CASKIN2: variants seen among roughly 807,000 people sequenced by gnomAD.
The protein encoded by CASKIN2 is CASK interacting protein 2.
In CASKIN2, 41 loss-of-function variants were observed where a neutral mutation model predicts 107.1. The ratio of observed to expected loss-of-function variants is 0.38; its 90% CI spans 0.30 to 0.50. The LOEUF is 0.50. Among genes scored for constraint, CASKIN2 ranks in the 20% least tolerant of loss-of-function variants. The pLI is 0.92. For missense variants in CASKIN2, 1,546 were observed against 1,657.4 expected (o/e 0.93, Z 1.17); for synonymous variants, 724 against 705.6 (o/e 1.03, Z -0.41).
chr17:75,501,421 A>C, intron 19 of CASKIN2, 47 bp downstream of exon 19: 1 of 1,552,868 alleles, frequency 6.4e-7, no homozygotes, highest in Non-Finnish European at 8.8e-7. Context: ...TGCAGGGAGC[A>C]CTGTTTCTCT....
At chr17:75,503,616 T>C (rs7207376) in intron 16 of CASKIN2, 43 bp downstream of exon 16, 1,411,223 of 1,607,120 alleles carry the variant, frequency 0.88, 626,369 homozygotes, top group Middle Eastern at 0.92. Flanking sequence ...CAGCTGAGGG[T>C]GACAGCACGT....
Position 75,500,978 on chromosome 17 carries a change from C to G in CASKIN2, c.*102G>C, listed in dbSNP as rs1222831388. 1.7e-6 allele frequency: 2 copies of G among 1,171,748 alleles called. No individual in the cohort carries two copies. Among genetic ancestry groups the G allele is most frequent in the Non-Finnish European group, 2.4e-6 (2 of 818,974 alleles). The allele number at this position is 1,171,748 out of a possible 1,614,324, so 72.6% of individuals were successfully genotyped here. On this transcript the variant is annotated 3_prime_UTR_variant, in exon 20 of 20. Transcript: ENST00000321617. ...GGCCCTGCTAGGAGGGGCACTTCAG[C>G]CTGACCAGCCCTTGGCCCGTCCCTA...
Position 75,500,848 on chromosome 17 carries a change from G to A in CASKIN2, c.*232C>T. The stretch of plus-strand genomic sequence containing the variant: ...TCCTGCTCAATCGATCAAACCCTGG[G>A]AGGGGCTTTGCTGAGATGCAGCGGA... On this transcript the variant is annotated 3_prime_UTR_variant, in exon 20 of 20. Transcript: ENST00000321617. The A allele has an allele frequency of 1.9e-6, 1 of 536,948 alleles. No individual in the cohort carries two copies. The highest frequency in any genetic ancestry group is 2.0e-5 in the South Asian group (1 of 49,670). The allele number at this position is 536,948 out of a possible 1,614,324, so 33.3% of individuals were successfully genotyped here. A position where few individuals can be genotyped will look rare whatever the true frequency, so the allele number is the denominator to read the frequency against.
chr17:75,501,682 G>A lies in CASKIN2; in HGVS notation c.3304C>T (p.Pro1102Ser), dbSNP rs781155532. 2.5e-6 allele frequency: 4 copies of A among 1,570,410 alleles called. No homozygotes were observed. Among genetic ancestry groups the A allele is most frequent in the African/African-American group, 1.3e-5 (1 of 74,274 alleles). ...GTGCAGGCCACCGACACAGGCTTGG[G>A]GGCTGTTCCTGCAGAGACAAAAAGG... is the stretch of plus-strand genomic sequence containing the variant. ...LLKVPGAGTAPKPVSVACTQL... is the reference protein window; with the variant it reads ...LLKVPGAGTASKPVSVACTQL... Residue 1102 changes from proline (P) to serine (S), a missense_variant, in exon 19 of 20, where the codon CCC becomes TCC. Around this residue, in one of 6 missense-constraint regions of CASKIN2, gnomAD observed 1,311 missense variants for 1,311.0 expected, o/e 1.00. Transcript: ENST00000321617.
rs551883632 is a variant in CASKIN2 at position 75,505,576 on chromosome 17, C to T, written c.911G>A (p.Arg304Gln). 2.2e-5 allele frequency: 35 copies of T among 1,613,568 alleles called. No homozygotes were observed. The highest frequency in any genetic ancestry group is 3.3e-5 in the South Asian group (3 of 91,078). The change falls in exon 10 of 20, where the codon CGG becomes CAG. Residue 304 changes from arginine (R) to glutamine (Q), a missense_variant. Physicochemically the swap from Arg to Gln is conservative, Grantham distance 43. Coordinates refer to ENST00000321617, the MANE Select transcript of CASKIN2 (RefSeq NM_020753.5). The surrounding 1 kb of genome is among the most constrained non-coding windows in gnomAD (Gnocchi z 5.1). ...CCTCACCGTGATGACATCCCCTGCC[C>T]GGACATTGAGAGCAGTGGGATCGTG... ...NLHDPTALNVRAGDVITVLEQ... is the reference protein window; with the variant it reads ...NLHDPTALNVQAGDVITVLEQ...
intron 19 of CASKIN2, 64 bp from the exon 20 acceptor site, chr17:75,501,234 A>G: frequency 6.9e-7 from 1 of 1,446,652 alleles, no homozygotes; most frequent in Non-Finnish European, 9.4e-7. Flanking sequence ...GCCCTGGGGC[A>G]GGGAGCTGTC....
Position 75,500,921 on chromosome 17 carries a change from T to C in CASKIN2, c.*159A>G. 1.5e-6 allele frequency: 1 copy of C among 655,252 alleles called. No homozygotes were observed. The highest frequency in any genetic ancestry group is 2.6e-6 in the Non-Finnish European group (1 of 377,792). 40.6% of individuals were successfully genotyped at this position (655,252 alleles called of 1,614,324 possible). A position where few individuals can be genotyped will look rare whatever the true frequency, so the allele number is the denominator to read the frequency against. ...AAGGTGGGCTGCCCCACAAGAGCTG[T>C]GGTGCCCACAGCCGCGGGCTGAGTG... On this transcript the variant is annotated 3_prime_UTR_variant, in exon 20 of 20. Coordinates refer to ENST00000321617, the MANE Select transcript of CASKIN2 (RefSeq NM_020753.5).
Position 75,503,740 on chromosome 17 carries a change from C to T in CASKIN2, c.1599G>A (p.Val533=). 1.2e-6 allele frequency: 2 copies of T among 1,612,448 alleles called. No homozygotes were observed. The highest frequency in any genetic ancestry group is 1.7e-6 in the Non-Finnish European group (2 of 1,179,982). The change falls in exon 16 of 20, where the codon GTG becomes GTA. Residue 533 remains valine, a synonymous_variant. Coordinates refer to ENST00000321617, the MANE Select transcript of CASKIN2 (RefSeq NM_020753.5). ...MTPEDLTAIG[V]TKPGHRKKIA... is the part of the protein sequence containing the mutation. ...TCTTCTTCCTGTGCCCAGGCTTGGTCACCCCGATGGCCGTCAGGTCCTGCC... is the reference window on the plus strand; with the variant it reads ...TCTTCTTCCTGTGCCCAGGCTTGGTTACCCCGATGGCCGTCAGGTCCTGCC...
rs374452585 is a variant in CASKIN2 at position 75,506,907 on chromosome 17, G to A, written c.391-13C>T. On this transcript the variant is annotated splice_polypyrimidine_tract_variant and intron_variant, in intron 5 of 19. Transcript: ENST00000321617. This position sits in a 1 kb window ranked among gnomAD's most constrained non-coding sequence, Gnocchi z 4.8. Reference sequence around the variant, plus strand: ...GGAGCATTTCTGACTGGGGTTGGGGGAGCCGAGTGAGGGGGCCTGGCCTGT... The same window carrying A: ...GGAGCATTTCTGACTGGGGTTGGGGAAGCCGAGTGAGGGGGCCTGGCCTGT... The A allele has an allele frequency of 3.7e-6, 6 of 1,611,334 alleles. No homozygotes were observed. The African/African-American group carries it at 6.7e-5, about 18-fold the overall frequency.
chr17:75,512,027 C>T (rs2053319908), intron 2 of CASKIN2, among the ~76,000 whole-genome samples: 1 of 152,192 alleles, frequency 6.6e-6, no homozygotes, highest in South Asian at 2.1e-4. Flanking sequence ...CCAGTGGCAC[C>T]CACCCTGTGT....
chr17:75,508,381 G>A (rs1278367576), intron 2 of CASKIN2, 96 bp from the exon 3 acceptor site: 15 of 1,364,248 alleles, frequency 1.1e-5, no homozygotes, highest in African/African-American at 2.9e-5. Context: ...ACCTCTTGGC[G>A]TGCAGGAAAG....
chr17:75,507,713 T>C (rs751375577), intron 3 of CASKIN2, 32 bp from the exon 4 acceptor site: 1 of 1,531,980 alleles, frequency 6.5e-7, no homozygotes, highest in South Asian at 1.1e-5. Context: ...TTAGGGGTGT[T>C]GGTGGGCAGC....
chr17:75,500,870 C>T lies in CASKIN2; in HGVS notation c.*210G>A, dbSNP rs1156945639. On this transcript the variant is annotated 3_prime_UTR_variant, in exon 20 of 20. Transcript: ENST00000321617. Reference sequence around the variant, plus strand: ...TGGGAGGGGCTTTGCTGAGATGCAGCGGAGGTCCCTCGCTAGTCAGGTTCT... The same window carrying T: ...TGGGAGGGGCTTTGCTGAGATGCAGTGGAGGTCCCTCGCTAGTCAGGTTCT... The T allele has an allele frequency of 1.8e-5, 10 of 568,554 alleles. No individual in the cohort carries two copies. Among genetic ancestry groups the T allele is most frequent in the Admixed American group, 9.0e-5 (3 of 33,342 alleles). 35.2% of individuals were successfully genotyped at this position (568,554 alleles called of 1,614,324 possible).
Position 75,504,798 on chromosome 17 carries a change from C to A in CASKIN2, c.1192+14G>T. On this transcript the variant is annotated intron_variant, in intron 11 of 19. Transcript: ENST00000321617. ...CCCACACAGTGCCCAGCACTGCCCC[C>A]TGGGAGGATGTACCTGGGCTGTCTG... The A allele has an allele frequency of 6.2e-7, 1 of 1,604,812 alleles. No homozygotes were observed. Among genetic ancestry groups the A allele is most frequent in the Non-Finnish European group, 8.5e-7 (1 of 1,175,990 alleles).
In CASKIN2 at chr17:75,501,643, A is replaced by G. The variant is rs970624559; in HGVS notation, c.3343T>C (p.Ser1115Pro). ...VSVACTQLAF[S>P]GPKLAPRLGP... ...AGCCGGGGCGCTAGCTTAGGGCCAGAAAATGCCAGCTGGGTGCAGGCCACC... is the reference window on the plus strand; with the variant it reads ...AGCCGGGGCGCTAGCTTAGGGCCAGGAAATGCCAGCTGGGTGCAGGCCACC... Residue 1115 changes from serine (S) to proline (P), a missense_variant, in exon 19 of 20, where the codon TCT (serine) becomes CCT (proline). Around this residue, in one of 6 missense-constraint regions of CASKIN2, gnomAD observed 1,311 missense variants for 1,311.0 expected, o/e 1.00. Transcript: ENST00000321617. 1.3e-6 allele frequency: 2 copies of G among 1,590,596 alleles called. No individual in the cohort carries two copies. Among genetic ancestry groups the G allele is most frequent in the African/African-American group, 2.7e-5 (2 of 74,528 alleles).
In CASKIN2 at chr17:75,502,898, G is replaced by A. The variant is rs567302317; in HGVS notation, c.2176C>T (p.Pro726Ser). 11 of 1,546,842 alleles carry A rather than the reference G, an allele frequency of 7.1e-6. No individual in the cohort carries two copies. The highest frequency in any genetic ancestry group is 4.1e-5 in the African/African-American group (3 of 73,118). ...APQPSGGDPSPPQERNLPEGT... is the reference protein window; with the variant it reads ...APQPSGGDPSSPQERNLPEGT... The stretch of plus-strand genomic sequence containing the variant: ...TCTGGGAGGTTCCTCTCCTGGGGGG[G>A]GCTGGGATCTCCACCGCTGGGCTGT... The change falls in exon 18 of 20, where the codon CCC becomes TCC. Residue 726 changes from proline to serine, a missense_variant. Physicochemically the swap from Pro to Ser is moderately conservative, Grantham distance 74. Coordinates refer to ENST00000321617, the MANE Select transcript of CASKIN2 (RefSeq NM_020753.5). The surrounding 1 kb of genome is among the most constrained non-coding windows in gnomAD (Gnocchi z 4.3).
rs1403731888 is a variant in CASKIN2, at chr17:75,500,309, T to C, written c.*771A>G. ...GGTGTTAGTTGGGGGAAGAGGTTAATGGTTACAGAGCCAGGGCCTGGGCCA... is the reference window on the plus strand; with the variant it reads ...GGTGTTAGTTGGGGGAAGAGGTTAACGGTTACAGAGCCAGGGCCTGGGCCA... On this transcript the variant is annotated 3_prime_UTR_variant, in exon 20 of 20. Coordinates refer to ENST00000321617, the MANE Select transcript of CASKIN2 (RefSeq NM_020753.5). The C allele has an allele frequency of 6.6e-6, 1 of 152,338 alleles. No individual in the cohort carries two copies. The highest frequency in any genetic ancestry group is 1.9e-4 in the East Asian group (1 of 5,198). 9.4% of individuals were successfully genotyped at this position (152,338 alleles called of 1,614,324 possible). A position where few individuals can be genotyped will look rare whatever the true frequency, so the allele number is the denominator to read the frequency against.
Position 75,513,730 on chromosome 17 carries a change from C to T in CASKIN2, c.75G>A (p.Lys25=). The T allele has an allele frequency of 6.2e-7, 1 of 1,613,868 alleles. No individual in the cohort carries two copies. Among genetic ancestry groups the T allele is most frequent in the Non-Finnish European group, 8.5e-7 (1 of 1,179,992 alleles). ...DVTGVQKLVA[K]VKATKTKLLG... ...ACTCACTTGTCTTTGTGGCCTTGAC[C>T]TTCGCCACCAGTTTCTGCACACCGG... Residue 25 remains lysine, a synonymous_variant, in exon 2 of 20, where the codon AAG becomes AAA. Transcript: ENST00000321617.
At position 75,506,419 on chromosome 17, in the gene CASKIN2, G is replaced by T. The variant is rs1321068633; in HGVS notation, c.618-6C>A. ...TCCCAGCTCTCAGGAGCTGCCTGCA[G>T]TGGACGGGGGGAGTCACGGGGGAGG... On this transcript the variant is annotated splice_region_variant and splice_polypyrimidine_tract_variant and intron_variant, in intron 7 of 19. Coordinates refer to ENST00000321617, the MANE Select transcript of CASKIN2 (RefSeq NM_020753.5). This position sits in a 1 kb window ranked among gnomAD's most constrained non-coding sequence, Gnocchi z 4.8. The T allele has an allele frequency of 3.1e-6, 5 of 1,607,720 alleles. No homozygotes were observed. The African/African-American group carries it at 6.7e-5, about 21-fold the overall frequency.
Sources: allele counts gnomAD v4.1 joint callset (sites outside exome capture counted in the v4.1 genomes callset), GRCh38; gene constraint gnomAD v4.1.1; regional missense constraint gnomAD v4.1.1; non-coding constraint Gnocchi (gnomAD v3.1); transcripts MANE v1.5; gene names NCBI Gene and HGNC (gene_info 2026-07-23, HGNC 2026-07-21).